The following PCDHGA8 variants were observed in gnomAD, a reference collection of about 807,000 sequenced individuals.
PCDHGA8 encodes the protein protocadherin gamma-A8.
Under a neutral mutation model 59.2 loss-of-function variants are expected in PCDHGA8, and 45 were observed. The observed-to-expected ratio is 0.76, with a 90% confidence interval of 0.60 to 0.98. PCDHGA8 has a LOEUF of 0.98. Among genes scored for constraint, PCDHGA8 ranks in the 50% least tolerant of loss-of-function variants. The pLI, the probability that PCDHGA8 is intolerant of heterozygous loss-of-function variation, is 0.00. For synonymous variants in PCDHGA8, 531 were observed against 519.0 expected (o/e 1.02, Z -0.32); for missense variants, 1,257 against 1,196.2 (o/e 1.05, Z -0.75).
intron 1 of PCDHGA8, among the ~76,000 whole-genome samples, chr5:141,473,542 G>A (rs1444751260): frequency 6.6e-6 from 1 of 152,176 alleles, no homozygotes; most frequent in Non-Finnish European, 1.5e-5. Flanking sequence ...GGGGCCTAAT[G>A]GAAGACCTCT....
chr5:141,421,640 A>T (rs367946949), intron 1 of PCDHGA8: 1 of 1,613,716 alleles, frequency 6.2e-7, no homozygotes, highest in Non-Finnish European at 8.5e-7. Context: ...CAGGAGGACG[A>T]AGTGGAGATA....
rs888556794 is a variant in PCDHGA8 at position 141,493,414 on chromosome 5, A to T, written c.2425-1393A>T. Among the ~76,000 whole-genome samples, 2 of 152,058 alleles carry T rather than the reference A, an allele frequency of 1.3e-5. No individual in the cohort carries two copies. Among genetic ancestry groups the T allele is most frequent in the Admixed American group, 6.6e-5 (1 of 15,248 alleles). ...GGAGAGGGGAGTTGCCTCTGCTGGG[A>T]TTTTGCTTCTGCTGGGATGGGGCAA... On this transcript the variant is annotated intron_variant, in intron 1 of 3. Coordinates refer to ENST00000398604, the MANE Select transcript of PCDHGA8 (RefSeq NM_032088.2). The surrounding 1 kb of genome is among the most constrained non-coding windows in gnomAD (Gnocchi z 4.3).
chr5:141,473,763 G>A (rs1333191998), intron 1 of PCDHGA8, among the ~76,000 whole-genome samples: 1 of 152,204 alleles, frequency 6.6e-6, no homozygotes, highest in African/African-American at 2.4e-5. Context: ...ACTATGCAAA[G>A]GATTTGGTAT....
At chr5:141,507,833 G>C (rs1184502436) in intron 3 of PCDHGA8, among the ~76,000 whole-genome samples, 2 of 152,172 alleles carry the variant, frequency 1.3e-5, no homozygotes, top group East Asian at 3.9e-4. Flanking sequence ...GGAGGTGGTG[G>C]GTCAGGCCCT....
chr5:141,485,982 A>G lies in PCDHGA8; in HGVS notation c.2425-8825A>G. 6.2e-7 allele frequency: 1 copy of G among 1,614,156 alleles called. No homozygotes were observed. The highest frequency in any genetic ancestry group is 8.5e-7 in the Non-Finnish European group (1 of 1,180,020). ...ATCCAGCTCAATGCCTCAGACCCGG[A>G]CCTGGGTCCCAGTGGTAACGTCACC... On this transcript the variant is annotated intron_variant, in intron 1 of 3. Coordinates refer to ENST00000398604, the MANE Select transcript of PCDHGA8 (RefSeq NM_032088.2). The surrounding 1 kb of genome is among the most constrained non-coding windows in gnomAD (Gnocchi z 5.7).
chr5:141,400,566 A>G (rs754437274), intron 1 of PCDHGA8: 94 of 1,612,572 alleles, frequency 5.8e-5, no homozygotes, highest in Non-Finnish European at 7.7e-5. Flanking sequence ...TACCCACCCA[A>G]TTTTCTGTAT....
intron 1 of PCDHGA8, among the ~76,000 whole-genome samples, chr5:141,451,395 A>G (rs2098715118): frequency 6.6e-6 from 1 of 152,184 alleles, no homozygotes; most frequent in Admixed American, 6.6e-5. Context: ...AGTTAATGGC[A>G]AAATTAAGTT....
chr5:141,504,680 A>G (rs912248504), intron 2 of PCDHGA8, among the ~76,000 whole-genome samples: 1 of 150,294 alleles, frequency 6.7e-6, no homozygotes, highest in Non-Finnish European at 1.5e-5. Flanking sequence ...GGGTTCTTGT[A>G]AAATAGGAGG....
chr5:141,486,162 T>G lies in PCDHGA8; in HGVS notation c.2425-8645T>G, dbSNP rs763023343. ...GCTCGCGATGGGGGTTCTCCAGCCA[T>G]GGAGCAACATTGCAGCCTTCGAGTG... On this transcript the variant is annotated intron_variant, in intron 1 of 3. Coordinates refer to ENST00000398604, the MANE Select transcript of PCDHGA8 (RefSeq NM_032088.2). The surrounding 1 kb of genome is among the most constrained non-coding windows in gnomAD (Gnocchi z 5.0). The G allele has an allele frequency of 6.2e-7, 1 of 1,614,170 alleles. No individual in the cohort carries two copies. Among genetic ancestry groups the G allele is most frequent in the Non-Finnish European group, 8.5e-7 (1 of 1,180,026 alleles).
At chr5:141,408,687 T>C (rs1394182828) in intron 1 of PCDHGA8, 3 of 1,613,928 alleles carry the variant, frequency 1.9e-6, no homozygotes, top group East Asian at 2.2e-5. Flanking sequence ...GATCCTGATA[T>C]AAACATAAAC....
At chr5:141,399,519 G>T (rs1467117930) in intron 1 of PCDHGA8, 14 of 1,613,918 alleles carry the variant, frequency 8.7e-6, no homozygotes, top group Non-Finnish European at 1.2e-5. Context: ...ACCCTCCTGG[G>T]GCCTCCATCG....
In PCDHGA8 at chr5:141,393,115, G is replaced by A. The variant is rs1342924521; in HGVS notation, c.302G>A (p.Arg101Gln). 6.2e-7 allele frequency: 1 copy of A among 1,613,438 alleles called. No individual in the cohort carries two copies. ...DREELCAQSP[R>Q]CLININTLVE... The stretch of plus-strand genomic sequence containing the variant: ...GAGGAGCTCTGCGCTCAGAGCCCGC[G>A]GTGTCTGATAAATATTAACACCCTG... Residue 101 changes from arginine (R) to glutamine (Q), a missense_variant, in exon 1 of 4, where the codon CGG becomes CAG. Physicochemically the swap from Arg to Gln is conservative, Grantham distance 43. Transcript: ENST00000398604.
chr5:141,420,022 T>A, intron 1 of PCDHGA8: 3 of 1,614,104 alleles, frequency 1.9e-6, no homozygotes, highest in Middle Eastern at 3.3e-4. Flanking sequence ...CTTTCAGCCC[T>A]ACTGCAGGAG....
At chr5:141,447,433 C>T (rs756021616) in intron 1 of PCDHGA8, among the ~76,000 whole-genome samples, 5 of 152,118 alleles carry the variant, frequency 3.3e-5, no homozygotes, top group African/African-American at 7.2e-5. Context: ...CCACCGCACC[C>T]GGAGGAAATT....
intron 1 of PCDHGA8, chr5:141,423,389 A>G (rs568843632): frequency 2.5e-6 from 4 of 1,614,160 alleles, no homozygotes; most frequent in Admixed American, 1.7e-5. Flanking sequence ...TGGCGCTGGC[A>G]TAAGTCACGC....
chr5:141,501,162 C>T (rs922957843), intron 2 of PCDHGA8, among the ~76,000 whole-genome samples: 1 of 152,134 alleles, frequency 6.6e-6, no homozygotes, highest in Non-Finnish European at 1.5e-5. Context: ...CCACCATCCC[C>T]AGCCTCATTT....
rs192995605 is a variant in PCDHGA8 at position 141,395,094 on chromosome 5, G to C, written c.2281G>C (p.Ala761Pro). 2.2e-4 allele frequency: 348 copies of C among 1,614,160 alleles called. 5 individuals carry two copies. The East Asian group carries it at 7.6e-3, about 35-fold the overall frequency. ...QTYSQEVSLT[A>P]DSRKSHLIFP... ...CTATTCCCAGGAAGTCTCCCTCACC[G>C]CCGACTCGCGGAAGAGTCACCTGAT... The change falls in exon 1 of 4, where the codon GCC becomes CCC. Residue 761 changes from alanine (A) to proline (P), a missense_variant. Physicochemically the swap from Ala to Pro is conservative, Grantham distance 27. Transcript: ENST00000398604.
chr5:141,393,543 C>T lies in PCDHGA8; in HGVS notation c.730C>T (p.His244Tyr), dbSNP rs763455922. The change falls in exon 1 of 4, where the codon CAC (histidine) becomes TAC (tyrosine). Residue 244 changes from histidine (H) to tyrosine (Y), a missense_variant. Coordinates refer to ENST00000398604, the MANE Select transcript of PCDHGA8 (RefSeq NM_032088.2). The part of the protein sequence containing the change: ...DTNDNAPVFP[H>Y]PIYRVKVLEN... ...AAATGACAATGCCCCGGTTTTTCCT[C>T]ACCCGATTTACCGAGTGAAAGTCCT... is the stretch of plus-strand genomic sequence containing the variant. 7 of 1,613,870 alleles carry T rather than the reference C, an allele frequency of 4.3e-6. No individual in the cohort carries two copies. In the Admixed American group the frequency reaches 8.3e-5, roughly 19 times the overall value.
intron 1 of PCDHGA8, chr5:141,441,795 C>T (rs569465359): frequency 2.6e-6 from 1 of 387,758 alleles, no homozygotes; most frequent in Non-Finnish European, 5.1e-6. Flanking sequence ...TGACAACGCA[C>T]CGCGGGTGCT....
Sources: allele counts gnomAD v4.1 joint callset (sites outside exome capture counted in the v4.1 genomes callset), GRCh38; gene constraint gnomAD v4.1.1; non-coding constraint Gnocchi (gnomAD v3.1); transcripts MANE v1.5; gene names NCBI Gene and HGNC (gene_info 2026-07-23, HGNC 2026-07-21).